CTPS2: variants seen among roughly 807,000 people sequenced by gnomAD.
The protein encoded by CTPS2 is CTP synthase II.
A neutral mutation model predicts 46.8 loss-of-function variants in CTPS2; 19 were observed. The ratio of observed to expected loss-of-function variants is 0.41; its 90% CI spans 0.28 to 0.60. CTPS2 has a LOEUF of 0.60. Ranked by LOEUF, CTPS2 falls within the 20% of genes least tolerant of loss-of-function variation. The probability of loss-of-function intolerance (pLI) is 0.35; values close to 1 mark genes in which losing one functional copy is unlikely to be tolerated. For missense variants in CTPS2, 286 were observed against 447.6 expected (o/e 0.64, Z 3.26); for synonymous variants, 151 against 165.2 (o/e 0.91, Z 0.66).
In CTPS2 at chrX:16,664,488, A is replaced by T. The variant is rs192677152; in HGVS notation, c.1296+3026T>A. Among the ~76,000 whole-genome samples, 462 of 111,670 alleles carry T rather than the reference A, an allele frequency of 4.1e-3. 1 individual carries two copies. The highest frequency in any genetic ancestry group is 0.014 in the African/African-American group (445 of 30,795). On this transcript the variant is annotated intron_variant, in intron 13 of 18. Coordinates refer to ENST00000359276, the MANE Select transcript of CTPS2 (RefSeq NM_175859.3). ...TGCTTCTATGTGCTTCCGTGGGGTG[A>T]TCTCCAGCATACAGTGTTAAGCGAA...
At chrX:16,688,166 G>T (rs915214550) in intron 8 of CTPS2, among the ~76,000 whole-genome samples, 1 of 111,699 alleles carries the variant, frequency 9.0e-6, no homozygotes. Context: ...GGGAGGCCTA[G>T]ACAGGCGAAT....
chrX:16,592,459 G>T (rs191382831), intron 17 of CTPS2, among the ~76,000 whole-genome samples: 2 of 111,787 alleles, frequency 1.8e-5, no homozygotes, highest in East Asian at 5.6e-4. Flanking sequence ...TTGGCTTTTG[G>T]CTCTGTGTTT....
chrX:16,692,093 T>C (rs1398317803), intron 6 of CTPS2, among the ~76,000 whole-genome samples: 2 of 111,528 alleles, frequency 1.8e-5, no homozygotes, highest in East Asian at 5.6e-4. Flanking sequence ...TTTGTCAACC[T>C]CTGACAGAGA....
At chrX:16,689,301 A>G in intron 8 of CTPS2, 149 bp downstream of exon 8, 1 of 493,254 alleles carries the variant, frequency 2.0e-6, no homozygotes, top group Non-Finnish European at 3.4e-6. Context: ...AAAGCACCGC[A>G]ACAGTATGCT....
chrX:16,630,793 G>A (rs1931424722), intron 14 of CTPS2, among the ~76,000 whole-genome samples: 1 of 112,049 alleles, frequency 8.9e-6, no homozygotes, highest in South Asian at 3.7e-4. Flanking sequence ...TTGATGGCTG[G>A]ACAAAATGAA....
chrX:16,623,675 C>T (rs919602063), intron 14 of CTPS2, among the ~76,000 whole-genome samples: 2 of 109,145 alleles, frequency 1.8e-5, no homozygotes, highest in Non-Finnish European at 3.8e-5. Context: ...ACACTTAGGT[C>T]GCTTCTAAAT....
chrX:16,684,359 A>T (rs970924032), intron 8 of CTPS2, among the ~76,000 whole-genome samples: 9 of 109,157 alleles, frequency 8.2e-5, no homozygotes, highest in African/African-American at 3.0e-4. Flanking sequence ...AAATACAAAA[A>T]TTAGCTGGGC....
At chrX:16,628,674 C>T (rs191954346) in intron 14 of CTPS2, among the ~76,000 whole-genome samples, 82 of 112,097 alleles carry the variant, frequency 7.3e-4, no homozygotes, top group Admixed American at 4.0e-3. Context: ...CCTTTCATCA[C>T]TTTCATTTGT....
At chrX:16,647,614 T>C (rs1015444407) in intron 13 of CTPS2, among the ~76,000 whole-genome samples, 1 of 110,395 alleles carries the variant, frequency 9.1e-6, no homozygotes, top group African/African-American at 3.3e-5. Context: ...AAGAAGAGAT[T>C]TGTAGCCTAG....
chrX:16,625,626 C>T lies in CTPS2; in HGVS notation c.1394-5294G>A, dbSNP rs756884486. ...CCTTCTTGGTGCCTGGGTTCTTGTCCGGAATTCAGAAAGAATCAGGTCACA... is the reference window on the plus strand; with the variant it reads ...CCTTCTTGGTGCCTGGGTTCTTGTCTGGAATTCAGAAAGAATCAGGTCACA... On this transcript the variant is annotated intron_variant, in intron 14 of 18. Transcript: ENST00000359276. Among the ~76,000 whole-genome samples, 4 of 111,543 alleles carry T rather than the reference C, an allele frequency of 3.6e-5. No homozygotes were observed. In the South Asian group the frequency reaches 1.2e-3, roughly 32 times the overall value.
intron 17 of CTPS2, among the ~76,000 whole-genome samples, chrX:16,598,161 A>T (rs1050552605): frequency 7.2e-5 from 8 of 111,688 alleles, no homozygotes; most frequent in African/African-American, 1.6e-4. Flanking sequence ...GAAAAGCAAG[A>T]GCAAACACAT....
chrX:16,633,599 C>G (rs1931597016), intron 14 of CTPS2, among the ~76,000 whole-genome samples: 1 of 111,771 alleles, frequency 8.9e-6, no homozygotes, highest in African/African-American at 3.2e-5. Flanking sequence ...TACTAACTGG[C>G]CCTTTATTGA....
chrX:16,664,352 C>A (rs780217355), intron 13 of CTPS2, among the ~76,000 whole-genome samples: 2 of 110,535 alleles, frequency 1.8e-5, no homozygotes, highest in African/African-American at 6.6e-5. Context: ...CATAAGGAAC[C>A]CTTCATTGGT....
intron 16 of CTPS2, among the ~76,000 whole-genome samples, chrX:16,613,409 G>T (rs1930361560): frequency 8.9e-6 from 1 of 111,818 alleles, no homozygotes; most frequent in African/African-American, 3.3e-5. Context: ...GAGTTGGCAT[G>T]CACTGGGACT....
chrX:16,697,895 G>T (rs1479213432), intron 4 of CTPS2, among the ~76,000 whole-genome samples: 2 of 111,736 alleles, frequency 1.8e-5, no homozygotes, highest in Non-Finnish European at 3.8e-5. Context: ...TGTAGACAGG[G>T]TTGTCTGCAA....
At chrX:16,704,829 C>G (rs1218369959) in intron 1 of CTPS2, among the ~76,000 whole-genome samples, 1 of 110,777 alleles carries the variant, frequency 9.0e-6, no homozygotes, top group East Asian at 2.8e-4. Context: ...TGCCTGTAAT[C>G]TCAGCTACTC....
chrX:16,683,622 A>G (rs938873274), intron 8 of CTPS2, among the ~76,000 whole-genome samples: 1 of 111,360 alleles, frequency 9.0e-6, no homozygotes. Flanking sequence ...AGAAATCCCA[A>G]CGTTGTTTTA....
rs374587435 is a variant in CTPS2, at chrX:16,659,731, C to T, written c.1296+7783G>A. ...GCAAGCTAACATATTCATCACTTCA[C>T]GTAGTTACTGTTGTGTGTGTGTGAT... On this transcript the variant is annotated intron_variant, in intron 13 of 18. Transcript: ENST00000359276. Among the ~76,000 whole-genome samples the T allele has an allele frequency of 6.3e-5, 7 of 111,692 alleles. No individual in the cohort carries two copies. In the East Asian group the frequency reaches 1.1e-3, roughly 18 times the overall value.
At chrX:16,655,900 A>G (rs1309855084) in intron 13 of CTPS2, among the ~76,000 whole-genome samples, 1 of 110,023 alleles carries the variant, frequency 9.1e-6, no homozygotes, top group Non-Finnish European at 1.9e-5. Flanking sequence ...GGCTCAAGCA[A>G]CTCTCCTGCC....
Sources: allele counts gnomAD v4.1 joint callset (sites outside exome capture counted in the v4.1 genomes callset), GRCh38; gene constraint gnomAD v4.1.1; transcripts MANE v1.5; gene names NCBI Gene and HGNC (gene_info 2026-07-23, HGNC 2026-07-21).